The following CAGE1 variants were observed in gnomAD, a reference collection of about 807,000 sequenced individuals.
The protein encoded by CAGE1 is cancer antigen 1.
A neutral mutation model predicts 94.9 loss-of-function variants in CAGE1; 66 were observed. The ratio of observed to expected loss-of-function variants is 0.70; its 90% CI spans 0.57 to 0.85. The LOEUF (loss-of-function observed/expected upper bound fraction) is 0.85. Ranked by LOEUF, CAGE1 falls within the 40% of genes least tolerant of loss-of-function variation. The pLI is 0.00. For synonymous variants in CAGE1, 319 were observed against 321.0 expected, an observed-to-expected ratio of 0.99 and a Z score of 0.07; for missense variants, 865 against 950.4, an observed-to-expected ratio of 0.91 and a Z score of 1.18.
At chr6:7,358,027 G>GAGAGATATATAT in intron 9 of CAGE1, among the ~76,000 whole-genome samples, 1 of 48,084 alleles carries the variant, frequency 2.1e-5, no homozygotes, top group East Asian at 1.1e-3. Flanking sequence ...TAAGTTTTGA[G>GAGAGATATATAT]ATATATATAT....
At chr6:7,352,290 C>CAAAAAAAAAAAAAAAAAAAAAAAAA (rs77426667) in intron 11 of CAGE1, among the ~76,000 whole-genome samples, 3 of 43,636 alleles carry the variant, frequency 6.9e-5, no homozygotes, top group East Asian at 1.1e-3. Context: ...ACAATAGCTG[C>CAAAAAAAAAAAAAAAAAAAAAAAAA]AAAAAAAAAA....
Position 7,378,959 on chromosome 6 carries a change from T to G in CAGE1, c.345A>C (p.Ile115=). The G allele has an allele frequency of 1.3e-6, 2 of 1,577,280 alleles. No individual in the cohort carries two copies. Among genetic ancestry groups the G allele is most frequent in the Non-Finnish European group, 1.7e-6 (2 of 1,159,886 alleles). Residue 115 remains isoleucine, a synonymous_variant, in exon 4 of 14, where the codon ATA becomes ATC. Coordinates refer to ENST00000502583, the MANE Select transcript of CAGE1 (RefSeq NM_001170692.2). ...CGGTTTCAAATTGTCTCAAGGAAGA[T>G]ATGCTGATGGTGTCAACTGGCTGAA... is the stretch of plus-strand genomic sequence containing the variant. The part of the protein sequence containing the change: ...ALIQPVDTIS[I]SSLRQFETVC...
intron 2 of CAGE1, 116 bp from the exon 3 acceptor site, chr6:7,385,988 T>A: frequency 1.9e-6 from 1 of 538,648 alleles, no homozygotes; most frequent in Non-Finnish European, 3.1e-6. Flanking sequence ...ATAGGTAGAA[T>A]GTGCTTTCTA....
intron 12 of CAGE1, among the ~76,000 whole-genome samples, chr6:7,333,630 CTATCTAACT>C (rs1561846027): frequency 2.6e-4 from 17 of 64,486 alleles, no homozygotes; most frequent in African/African-American, 1.4e-3. Context: ...ATCTAACTAT[CTATCTAACT>C]ATCTATATAT....
At chr6:7,332,229 G>T (rs1235545791) in intron 12 of CAGE1, among the ~76,000 whole-genome samples, 1 of 152,154 alleles carries the variant, frequency 6.6e-6, no homozygotes, top group Non-Finnish European at 1.5e-5. Context: ...CTCATACTTG[G>T]CTGGGTGGCT....
intron 7 of CAGE1, among the ~76,000 whole-genome samples, chr6:7,366,416 T>C (rs1225967906): frequency 1.3e-5 from 2 of 152,142 alleles, no homozygotes; most frequent in Non-Finnish European, 2.9e-5. Flanking sequence ...ATTTGGAAAG[T>C]TGGACTGCAG....
At chr6:7,368,372 A>G (rs1760424130) in intron 7 of CAGE1, among the ~76,000 whole-genome samples, 6 of 152,136 alleles carry the variant, frequency 3.9e-5, no homozygotes, top group Admixed American at 3.9e-4. Context: ...TGTTATTCCA[A>G]AGGATGAAGT....
In CAGE1 at chr6:7,373,211, T is replaced by C. The variant is rs772313623; in HGVS notation, c.1608A>G (p.Gln536=). 7 of 1,612,452 alleles carry C rather than the reference T, an allele frequency of 4.3e-6. No homozygotes were observed. Among genetic ancestry groups the C allele is most frequent in the South Asian group, 1.1e-5 (1 of 90,940 alleles). The change falls in exon 5 of 14, where the codon CAA becomes CAG. Residue 536 remains glutamine, a synonymous_variant. Coordinates refer to ENST00000502583, the MANE Select transcript of CAGE1 (RefSeq NM_001170692.2). ...CATTCTCATTTTTTACTTCGTTGAT[T>C]TGCTGCTGAAGTTTTATATTCTTCG... ...ERTKNIKLQQ[Q]INEVKNENAK...
At chr6:7,368,943 C>T in intron 6 of CAGE1, 145 bp from the exon 7 acceptor site, 2 of 558,436 alleles carry the variant, frequency 3.6e-6, no homozygotes, top group East Asian at 3.3e-5. Flanking sequence ...AACTCCATTC[C>T]TCAATTACTT....
At chr6:7,351,750 A>G (rs1198878686) in intron 11 of CAGE1, among the ~76,000 whole-genome samples, 2 of 152,156 alleles carry the variant, frequency 1.3e-5, no homozygotes, top group Non-Finnish European at 2.9e-5. Context: ...TAAATGTGAT[A>G]CACTACATAA....
intron 9 of CAGE1, among the ~76,000 whole-genome samples, chr6:7,363,159 A>C (rs1432629197): frequency 6.6e-6 from 1 of 152,166 alleles, no homozygotes; most frequent in African/African-American, 2.4e-5. Flanking sequence ...AATCCCAGCT[A>C]CTTAGGAGGC....
chr6:7,358,129 CAA>C lies in CAGE1; in HGVS notation c.2194-2002_2194-2001del, dbSNP rs555397839. 1.6e-4 allele frequency among the ~76,000 whole-genome samples: 23 copies of C among 143,760 alleles called. No homozygotes were observed. The South Asian group carries it at 5.0e-3, about 31-fold the overall frequency. 94.3% of individuals were successfully genotyped at this position (143,760 alleles called of 152,430 possible). ...GAGTCTGCCCGTCAACCTCCACAAC[CAA>C]AGTTTCTTCTTGCCACTCAGCAATC... On this transcript the variant is annotated intron_variant, in intron 9 of 13. Transcript: ENST00000502583.
intron 9 of CAGE1, among the ~76,000 whole-genome samples, chr6:7,358,228 T>A (rs1760047401): frequency 6.6e-6 from 1 of 151,280 alleles, no homozygotes; most frequent in Admixed American, 6.6e-5. Context: ...CTGATCCACT[T>A]TCTGTCATCA....
chr6:7,373,509 T>C lies in CAGE1; in HGVS notation c.1310A>G (p.Gln437Arg). Reference protein sequence around the residue: ...EMQQKNKSVSQYLEMDKTLSK... With the variant: ...EMQQKNKSVSRYLEMDKTLSK... ...TAAGGTTTTGTCCATCTCTAAATAC[T>C]GACTTACAGATTTATTTTTTTGTTG... The change falls in exon 5 of 14, where the codon CAG (glutamine) becomes CGG (arginine). Residue 437 changes from glutamine to arginine, a missense_variant. Physicochemically the swap from Gln to Arg is conservative, Grantham distance 43. Coordinates refer to ENST00000502583, the MANE Select transcript of CAGE1 (RefSeq NM_001170692.2). The C allele has an allele frequency of 6.2e-7, 1 of 1,613,876 alleles. No individual in the cohort carries two copies. The highest frequency in any genetic ancestry group is 8.5e-7 in the Non-Finnish European group (1 of 1,179,824).
At chr6:7,354,696 G>T (rs1350377374) in intron 11 of CAGE1, among the ~76,000 whole-genome samples, 1 of 152,050 alleles carries the variant, frequency 6.6e-6, no homozygotes, top group East Asian at 1.9e-4. Flanking sequence ...TGTTTAATTT[G>T]GTGTGCATTC....
At chr6:7,382,638 G>A (rs1760977916) in intron 3 of CAGE1, among the ~76,000 whole-genome samples, 1 of 151,424 alleles carries the variant, frequency 6.6e-6, no homozygotes, top group South Asian at 2.1e-4. Flanking sequence ...TAGGCTGGGC[G>A]TGGTGACTCA....
At chr6:7,358,065 TATATA>T (rs1760038945) in intron 9 of CAGE1, among the ~76,000 whole-genome samples, 4 of 114,084 alleles carry the variant, frequency 3.5e-5, no homozygotes, top group African/African-American at 1.1e-4. Flanking sequence ...TATATATATA[TATATA>T]TGCCTCCAAA....
chr6:7,352,310 A>AAC (rs796150420), intron 11 of CAGE1, among the ~76,000 whole-genome samples: 12,192 of 134,030 alleles, frequency 0.091, 1,360 homozygotes, highest in African/African-American at 0.26. Flanking sequence ...AAAAAACAAA[A>AAC]AAAAACAAAA....
chr6:7,374,105 C>A lies in CAGE1; in HGVS notation c.714G>T (p.Gln238His). ...ACATCTCAGGAATCTCCCCATAATT[C>A]TGTATTTCTTTTGAAGGAACTGCAG... ...CKTAVPSKEI[Q>H]NYGEIPEMSV... Residue 238 changes from glutamine (Q) to histidine (H), a missense_variant, in exon 5 of 14, where the codon CAG becomes CAT. Transcript: ENST00000502583. The A allele has an allele frequency of 6.2e-7, 1 of 1,612,786 alleles. No individual in the cohort carries two copies. Among genetic ancestry groups the A allele is most frequent in the Non-Finnish European group, 8.5e-7 (1 of 1,179,176 alleles).
Sources: allele counts gnomAD v4.1 joint callset (sites outside exome capture counted in the v4.1 genomes callset), GRCh38; gene constraint gnomAD v4.1.1; transcripts MANE v1.5; gene names NCBI Gene and HGNC (gene_info 2026-07-23, HGNC 2026-07-21).